Variants in ALDH1A1 observed in about 807,000 individuals in gnomAD.
The protein encoded by ALDH1A1 is aldehyde dehydrogenase 1 family member A1, also known as aldehyde dehydrogenase 1A1.
ALDH1A1 carries 19 observed loss-of-function variants against 62.1 expected under a neutral mutation model. The ratio of observed to expected loss-of-function variants is 0.31; its 90% CI spans 0.21 to 0.45. The LOEUF is 0.45. ALDH1A1 is among the 20% of genes least tolerant of loss of function. The pLI is 1.00. For synonymous variants in ALDH1A1, 231 were observed against 215.9 expected (o/e 1.07, Z -0.61); for missense variants, 521 against 607.1 (o/e 0.86, Z 1.49).
chr9:72,911,526 C>A (rs1035716872), intron 10 of ALDH1A1, among the ~76,000 whole-genome samples: 6 of 152,136 alleles, frequency 3.9e-5, no homozygotes, highest in Non-Finnish European at 8.8e-5. Context: ...TCCACTCCCC[C>A]AAGCCCCTGG....
intron 1 of ALDH1A1, among the ~76,000 whole-genome samples, chr9:72,945,022 TAAAC>T (rs1205743999): frequency 6.6e-6 from 1 of 152,114 alleles, no homozygotes; most frequent in Non-Finnish European, 1.5e-5. Context: ...TTACCTTTGA[TAAAC>T]AAGTAGCCAT....
intron 1 of ALDH1A1, among the ~76,000 whole-genome samples, chr9:72,943,218 T>C (rs746275228): frequency 6.6e-6 from 1 of 152,140 alleles, no homozygotes; most frequent in Non-Finnish European, 1.5e-5. Context: ...ACAGAATCAA[T>C]TACATTTTGC....
At chr9:72,910,965 A>G (rs1179047005) in intron 10 of ALDH1A1, among the ~76,000 whole-genome samples, 1 of 152,180 alleles carries the variant, frequency 6.6e-6, no homozygotes, top group Non-Finnish European at 1.5e-5. Context: ...GTTCTACTGT[A>G]TATTAATATA....
chr9:72,930,722 A>C (rs3815836), intron 3 of ALDH1A1, among the ~76,000 whole-genome samples, 157 bp downstream of exon 3: 64,909 of 151,938 alleles, frequency 0.43, 15,045 homozygotes, highest in Non-Finnish European at 0.5. Flanking sequence ...ATTTGAGAAT[A>C]GTTCAATGTT....
At chr9:72,941,141 G>A (rs532842322) in intron 1 of ALDH1A1, among the ~76,000 whole-genome samples, 9 of 152,058 alleles carry the variant, frequency 5.9e-5, no homozygotes, top group Non-Finnish European at 1.3e-4. Context: ...ATTCTATTTT[G>A]AATCAGAGGT....
chr9:72,908,434 CAAAAAAAAAAAA>C (rs386415096), intron 11 of ALDH1A1, among the ~76,000 whole-genome samples: 2 of 2,484 alleles, frequency 8.1e-4, no homozygotes, highest in Admixed American at 0.012. Flanking sequence ...GACTCCAGCT[CAAAAAAAAAAAA>C]AAAAAAAAAA....
intron 7 of ALDH1A1, among the ~76,000 whole-genome samples, chr9:72,922,020 A>T (rs941452315): frequency 3.3e-5 from 5 of 152,130 alleles, no homozygotes; most frequent in African/African-American, 1.2e-4. Context: ...ACATGGAATA[A>T]TCAGGAAGAG....
intron 11 of ALDH1A1, among the ~76,000 whole-genome samples, chr9:72,906,617 A>G (rs1829881476): frequency 6.6e-6 from 1 of 152,190 alleles, no homozygotes; most frequent in Admixed American, 6.5e-5. Context: ...ATAAACAAAC[A>G]TAATTACATG....
At chr9:72,929,078 T>C in intron 3 of ALDH1A1, 57 bp from the exon 4 acceptor site, 3 of 1,559,158 alleles carry the variant, frequency 1.9e-6, no homozygotes, top group Non-Finnish European at 2.6e-6. Context: ...ATTAAAAATA[T>C]GTAGTAAATA....
intron 2 of ALDH1A1, among the ~76,000 whole-genome samples, chr9:72,935,156 A>G (rs1830333115): frequency 6.6e-6 from 1 of 152,138 alleles, no homozygotes; most frequent in South Asian, 2.1e-4. Context: ...AAACTTATAC[A>G]TTATTCAAAA....
Position 72,930,990 on chromosome 9 carries a change from T to C in ALDH1A1, c.201A>G (p.Ala67=), listed in dbSNP as rs1830274452. The C allele has an allele frequency of 1.2e-6, 2 of 1,613,924 alleles. No homozygotes were observed. Among genetic ancestry groups the C allele is most frequent in the Non-Finnish European group, 1.7e-6 (2 of 1,179,956 alleles). ...GGGATCCAATCTGAAAAGCCTGTCT[T>C]GCGGCCTTCACTGCCTTGTCAACAT... ...KEDVDKAVKA[A]RQAFQIGSPW... is the part of the protein sequence containing the mutation. The change falls in exon 3 of 13, where the codon GCA becomes GCG. Residue 67 remains alanine, a synonymous_variant. Transcript: ENST00000297785.
At chr9:72,918,282 A>G (rs546633178) in intron 8 of ALDH1A1, among the ~76,000 whole-genome samples, 8 of 152,346 alleles carry the variant, frequency 5.3e-5, no homozygotes, top group Non-Finnish European at 8.8e-5. Context: ...TCTTCTGATC[A>G]TTTCATTTAA....
intron 7 of ALDH1A1, 34 bp downstream of exon 7, chr9:72,923,985 A>G (rs201120827): frequency 2.7e-5 from 39 of 1,434,208 alleles, no homozygotes; most frequent in Non-Finnish European, 3.6e-5. Flanking sequence ...CAATGCAGAC[A>G]TTCTTAACTT....
intron 9 of ALDH1A1, among the ~76,000 whole-genome samples, chr9:72,913,185 T>C (rs1159288524): frequency 6.6e-6 from 1 of 152,180 alleles, no homozygotes; most frequent in African/African-American, 2.4e-5. Flanking sequence ...ATAAAGTTAT[T>C]TCTAACTGAA....
At position 72,917,137 on chromosome 9, in the gene ALDH1A1, T is replaced by G. The variant is rs560871509; in HGVS notation, c.851-33A>C. The G allele has an allele frequency of 3.0e-5, 40 of 1,355,264 alleles. No individual in the cohort carries two copies. In the African/African-American group the frequency reaches 5.9e-4, roughly 20 times the overall value. 84.0% of individuals were successfully genotyped at this position (1,355,264 alleles called of 1,614,324 possible). On this transcript the variant is annotated intron_variant, in intron 8 of 12. Coordinates refer to ENST00000297785, the MANE Select transcript of ALDH1A1 (RefSeq NM_000689.5). The stretch of plus-strand genomic sequence containing the variant: ...GAAGACATTCACATTAAAGATATAT[T>G]TTATAAAAATTATATATTTTATATG...
intron 2 of ALDH1A1, among the ~76,000 whole-genome samples, chr9:72,932,905 G>A (rs1453213828): frequency 2.6e-5 from 4 of 152,106 alleles, no homozygotes; most frequent in African/African-American, 9.7e-5. Flanking sequence ...TCCTGCTATT[G>A]GTCTTAGCCA....
chr9:72,921,518 T>TTC (rs1564630321), intron 7 of ALDH1A1, among the ~76,000 whole-genome samples: 1,928 of 149,064 alleles, frequency 0.013, 34 homozygotes, highest in African/African-American at 0.045. Context: ...TTTTTTTTTT[T>TTC]TTCATTTTTT....
intron 5 of ALDH1A1, 71 bp downstream of exon 5, chr9:72,927,045 A>G: frequency 9.0e-7 from 1 of 1,108,278 alleles, no homozygotes; most frequent in Non-Finnish European, 1.3e-6. Context: ...TGTTTTAGAG[A>G]AAGCTTCATC....
chr9:72,922,373 G>A (rs541358862), intron 7 of ALDH1A1, among the ~76,000 whole-genome samples: 3 of 152,176 alleles, frequency 2.0e-5, no homozygotes, highest in South Asian at 4.2e-4. Context: ...ATTTTTTTAA[G>A]TAGGTAAAGT....
Sources: gnomAD v4.1 joint callset for allele counts (sites outside exome capture counted in the v4.1 genomes callset) on GRCh38, gnomAD v4.1.1 for gene constraint, MANE v1.5 for transcripts, NCBI Gene and HGNC (gene_info 2026-07-23, HGNC 2026-07-21) for gene names.